The following DGKI variants were observed in gnomAD, a reference collection of about 807,000 sequenced individuals.
The protein encoded by DGKI is diacylglycerol kinase iota, also known as DAG kinase iota.
DGKI carries 55 observed loss-of-function variants against 147.5 expected under a neutral mutation model. The observed-to-expected ratio is 0.37, with a 90% confidence interval of 0.30 to 0.47. The LOEUF is 0.47. Ranked by LOEUF, DGKI falls within the 20% of genes least tolerant of loss-of-function variation. The probability of loss-of-function intolerance (pLI) is 1.00; values close to 1 mark genes in which losing one functional copy is unlikely to be tolerated. For synonymous variants in DGKI, 469 were observed against 477.1 expected (o/e 0.98, Z 0.22); for missense variants, 1,007 against 1,323.8 (o/e 0.76, Z 3.71).
intron 20 of DGKI, among the ~76,000 whole-genome samples, chr7:137,540,615 G>A (rs899579718): frequency 6.6e-6 from 1 of 151,828 alleles, no homozygotes; most frequent in African/African-American, 2.4e-5. Flanking sequence ...GAACCCAGGA[G>A]GCAGAGGTTT....
At chr7:137,836,325 T>C (rs1379900468) in intron 1 of DGKI, among the ~76,000 whole-genome samples, 1 of 152,226 alleles carries the variant, frequency 6.6e-6, no homozygotes, top group Non-Finnish European at 1.5e-5. Context: ...TGGAACTTTC[T>C]AGGTGTCTCT....
chr7:137,493,755 A>C, intron 21 of DGKI: 1 of 701,808 alleles, frequency 1.4e-6, no homozygotes, highest in Non-Finnish European at 2.6e-6. Context: ...GAACTCTGGC[A>C]ACTCAAAAAG....
chr7:137,488,649 G>A (rs1277883285), intron 21 of DGKI, among the ~76,000 whole-genome samples: 1 of 152,130 alleles, frequency 6.6e-6, no homozygotes, highest in Non-Finnish European at 1.5e-5. Context: ...AGACAGTGGT[G>A]TTCTCTAAGA....
chr7:137,495,363 T>A (rs1334108692), intron 21 of DGKI, among the ~76,000 whole-genome samples: 1 of 148,900 alleles, frequency 6.7e-6, no homozygotes, highest in Non-Finnish European at 1.5e-5. Flanking sequence ...CTAGCAGATG[T>A]ATAAGGAAGA....
intron 27 of DGKI, among the ~76,000 whole-genome samples, chr7:137,462,484 G>A (rs1814484376): frequency 6.6e-6 from 1 of 152,130 alleles, no homozygotes; most frequent in South Asian, 2.1e-4. Context: ...CTGCCCTGAG[G>A]GTGTGTGCCT....
chr7:137,422,738 G>T (rs1010651956), intron 28 of DGKI, among the ~76,000 whole-genome samples: 1 of 151,014 alleles, frequency 6.6e-6, no homozygotes, highest in Admixed American at 6.6e-5. Context: ...TCGAGTAGCT[G>T]GGACTACAGG....
intron 6 of DGKI, among the ~76,000 whole-genome samples, chr7:137,628,686 CT>C (rs918783933): frequency 6.6e-6 from 1 of 152,186 alleles, no homozygotes; most frequent in Non-Finnish European, 1.5e-5. Flanking sequence ...TTGGATCCAA[CT>C]GACTTCAGGA....
intron 30 of DGKI, among the ~76,000 whole-genome samples, chr7:137,407,573 G>A (rs930944153): frequency 6.6e-6 from 1 of 151,932 alleles, no homozygotes; most frequent in African/African-American, 2.4e-5. Context: ...TAAAGCACAC[G>A]ATGCCAGGCT....
chr7:137,843,447 T>G, intron 1 of DGKI: 1 of 985,162 alleles, frequency 1.0e-6, no homozygotes, highest in Middle Eastern at 5.2e-4. Flanking sequence ...GACTATTTGC[T>G]CTAGGGGTGC....
At chr7:137,724,455 C>G (rs1229342146) in intron 1 of DGKI, among the ~76,000 whole-genome samples, 1 of 152,180 alleles carries the variant, frequency 6.6e-6, no homozygotes, top group Non-Finnish European at 1.5e-5. Flanking sequence ...GCTACTACAA[C>G]AGTCCAGAAA....
At chr7:137,683,716 A>G (rs986623191) in intron 2 of DGKI, among the ~76,000 whole-genome samples, 2 of 152,122 alleles carry the variant, frequency 1.3e-5, no homozygotes, top group Admixed American at 1.3e-4. Context: ...CAGAAAAATA[A>G]CTCTCCTATT....
At chr7:137,419,695 T>C (rs1472705264) in intron 28 of DGKI, among the ~76,000 whole-genome samples, 2 of 152,330 alleles carry the variant, frequency 1.3e-5, no homozygotes, top group South Asian at 4.1e-4. Flanking sequence ...TACATAGGCA[T>C]ACTGAATAAG....
chr7:137,838,784 A>C (rs2117100087), intron 1 of DGKI, among the ~76,000 whole-genome samples: 1 of 152,330 alleles, frequency 6.6e-6, no homozygotes, highest in South Asian at 2.1e-4. Flanking sequence ...TTTAAAATAT[A>C]TTCTGCTGTT....
intron 15 of DGKI, among the ~76,000 whole-genome samples, chr7:137,581,082 C>T (rs1003858585): frequency 3.3e-5 from 5 of 151,894 alleles, no homozygotes; most frequent in African/African-American, 7.3e-5. Flanking sequence ...AGAGATCAAT[C>T]GGGACTACAA....
At chr7:137,412,291 T>C in intron 28 of DGKI, 84 bp from the exon 29 acceptor site, 7 of 1,284,490 alleles carry the variant, frequency 5.4e-6, no homozygotes, top group Non-Finnish European at 7.9e-6. Context: ...ATATTTTGGA[T>C]AAGTAGTCTA....
At chr7:137,629,643 A>G (rs1047072719) in intron 6 of DGKI, among the ~76,000 whole-genome samples, 1 of 152,182 alleles carries the variant, frequency 6.6e-6, no homozygotes, top group African/African-American at 2.4e-5. Flanking sequence ...CCAACTATCT[A>G]CTGACTTACG....
intron 22 of DGKI, among the ~76,000 whole-genome samples, chr7:137,487,375 G>T (rs1409619601): frequency 1.3e-5 from 2 of 152,068 alleles, no homozygotes; most frequent in Admixed American, 1.3e-4. Flanking sequence ...TATAGTTATG[G>T]AACACACCAG....
chr7:137,739,562 G>C (rs777251729), intron 1 of DGKI, among the ~76,000 whole-genome samples: 13 of 152,114 alleles, frequency 8.5e-5, no homozygotes, highest in Non-Finnish European at 1.9e-4. Context: ...TCCAGCCCTG[G>C]CTTACTTGCT....
At chr7:137,715,623 T>C (rs1009118973) in intron 1 of DGKI, among the ~76,000 whole-genome samples, 17 of 152,354 alleles carry the variant, frequency 1.1e-4, no homozygotes, top group African/African-American at 3.8e-4. Context: ...CTATGGCATA[T>C]GCCTAAAAGA....
Sources: gnomAD v4.1 joint callset for allele counts (sites outside exome capture counted in the v4.1 genomes callset) on GRCh38, gnomAD v4.1.1 for gene constraint, MANE v1.5 for transcripts, NCBI Gene and HGNC (gene_info 2026-07-23, HGNC 2026-07-21) for gene names.